Variants in TLCD3B observed in about 807,000 individuals in gnomAD.
TLCD3B encodes ceramide synthase.
A neutral mutation model predicts 23.0 loss-of-function variants in TLCD3B; 9 were observed. The ratio of observed to expected loss-of-function variants is 0.39; its 90% CI spans 0.24 to 0.68. The LOEUF (loss-of-function observed/expected upper bound fraction) is 0.68. Among genes scored for constraint, TLCD3B ranks in the 30% least tolerant of loss-of-function variants. The pLI, the probability that TLCD3B is intolerant of heterozygous loss-of-function variation, is 0.44. For synonymous variants in TLCD3B, 161 were observed against 161.0 expected (o/e 1.00, Z 0.00); for missense variants, 307 against 371.8 (o/e 0.83, Z 1.43).
chr16:30,025,492 C>T lies in TLCD3B; in HGVS notation c.541-25G>A. 1.2e-6 allele frequency: 2 copies of T among 1,609,594 alleles called. No individual in the cohort carries two copies. The highest frequency in any genetic ancestry group is 1.7e-6 in the Non-Finnish European group (2 of 1,178,432). ...ACTGAGGAGACACAGACACAGTGGCCACGGCAGCAGAAGGGCTCGGCCCCC... is the reference window on the plus strand; with the variant it reads ...ACTGAGGAGACACAGACACAGTGGCTACGGCAGCAGAAGGGCTCGGCCCCC... On this transcript the variant is annotated intron_variant, in intron 4 of 4. Coordinates refer to ENST00000380495, the MANE Select transcript of TLCD3B (RefSeq NM_031478.6). The surrounding 1 kb of genome is among the most constrained non-coding windows in gnomAD (Gnocchi z 4.1).
Position 30,025,544 on chromosome 16 carries a change from A to T in TLCD3B, c.541-77T>A. 6.3e-7 allele frequency: 1 copy of T among 1,581,642 alleles called. No homozygotes were observed. The highest frequency in any genetic ancestry group is 2.3e-5 in the East Asian group (1 of 44,310). On this transcript the variant is annotated intron_variant, in intron 4 of 4. Coordinates refer to ENST00000380495, the MANE Select transcript of TLCD3B (RefSeq NM_031478.6). This position sits in a 1 kb window ranked among gnomAD's most constrained non-coding sequence, Gnocchi z 4.1. ...TTGGCCCTCTCCCTGCCTCCCTGCG[A>T]CCCTAGCAGGCAGCTCCTCCCAAAC...
intron 2 of TLCD3B, among the ~76,000 whole-genome samples, chr16:30,043,285 G>A (rs951271905): frequency 6.6e-6 from 1 of 151,882 alleles, no homozygotes; most frequent in Non-Finnish European, 1.5e-5. Context: ...AAGTACACTG[G>A]TACGATTAGC....
chr16:30,039,243 C>T (rs1011348409), intron 3 of TLCD3B, among the ~76,000 whole-genome samples: 2 of 151,512 alleles, frequency 1.3e-5, no homozygotes, highest in Admixed American at 6.6e-5. Context: ...CCTGCCTTAG[C>T]CTCCCGAGTA....
chr16:30,036,278 A>G (rs1453747148), intron 3 of TLCD3B: 1 of 1,288,898 alleles, frequency 7.8e-7, no homozygotes, highest in Non-Finnish European at 1.0e-6. Flanking sequence ...ATTTGTTGAA[A>G]AAACAAAATA....
upstream of TLCD3B, chr16:30,033,050 C>A (rs2071399436): frequency 6.6e-6 from 1 of 152,248 alleles, no homozygotes; most frequent in Admixed American, 6.5e-5. Context: ...GAGATCGAGA[C>A]CATCCTGGCT....
At chr16:30,050,113 G>A (rs1382182677) in intron 1 of TLCD3B, among the ~76,000 whole-genome samples, 2 of 152,174 alleles carry the variant, frequency 1.3e-5, no homozygotes, top group African/African-American at 4.8e-5. Flanking sequence ...GGCCACGGAC[G>A]TGTCCAGGGG....
At chr16:30,037,158 G>A (rs1190789257) in intron 3 of TLCD3B, among the ~76,000 whole-genome samples, 1 of 151,618 alleles carries the variant, frequency 6.6e-6, no homozygotes, top group African/African-American at 2.4e-5. Flanking sequence ...TGGAATCCCC[G>A]CACCTCAGAG....
In TLCD3B at chr16:30,030,788, G is replaced by A. The variant is rs993631197; in HGVS notation, c.-261C>T. ...GAGCAGGAGCAGGCCAGCGAGGGAT[G>A]GGGAGAGGCAAAGAGGGGATGGCTT... On this transcript the variant is annotated 5_prime_UTR_variant, in exon 1 of 5. Transcript: ENST00000380495. 10 of 1,243,006 alleles carry A rather than the reference G, an allele frequency of 8.0e-6. No individual in the cohort carries two copies. Among genetic ancestry groups the A allele is most frequent in the African/African-American group, 4.7e-5 (3 of 63,266 alleles). The allele number at this position is 1,243,006 out of a possible 1,614,324, so 77.0% of individuals were successfully genotyped here.
At chr16:30,030,273 G>C in intron 1 of TLCD3B, 130 bp downstream of exon 1, 2 of 1,164,908 alleles carry the variant, frequency 1.7e-6, no homozygotes, top group Non-Finnish European at 1.2e-6. Context: ...AAGCCTGGGG[G>C]TAAAGCCCCG....
At position 30,030,558 on chromosome 16, in the gene TLCD3B, C is replaced by A; in HGVS notation, c.-31G>T. The A allele has an allele frequency of 2.6e-6, 4 of 1,536,136 alleles. No individual in the cohort carries two copies. Among genetic ancestry groups the A allele is most frequent in the Non-Finnish European group, 2.6e-6 (3 of 1,145,912 alleles). ...CTCAGGACTTGGGCAGGGAGGCAGG[C>A]GGGCCGTGAAGGGGCAGGGAGGCCG... On this transcript the variant is annotated 5_prime_UTR_variant, in exon 1 of 5. Coordinates refer to ENST00000380495, the MANE Select transcript of TLCD3B (RefSeq NM_031478.6).
chr16:30,027,751 C>T, intron 2 of TLCD3B: 2 of 440,562 alleles, frequency 4.5e-6, no homozygotes, highest in South Asian at 3.2e-5. Context: ...GGCAGTTTCT[C>T]TTAAATCCTG....
intron 3 of TLCD3B, among the ~76,000 whole-genome samples, chr16:30,039,103 C>CTTTTTT (rs1018184417): frequency 0.017 from 1,742 of 99,598 alleles, 397 homozygotes; most frequent in African/African-American, 0.026. Flanking sequence ...TCCTTCCTCT[C>CTTTTTT]TTTTTTTTTT....
intron 3 of TLCD3B, among the ~76,000 whole-genome samples, chr16:30,037,929 T>A (rs1196702910): frequency 6.6e-6 from 1 of 152,156 alleles, no homozygotes; most frequent in Non-Finnish European, 1.5e-5. Flanking sequence ...TCTGTTTACA[T>A]CAAATTCAGA....
At chr16:30,037,973 G>C (rs979753134) in intron 3 of TLCD3B, among the ~76,000 whole-genome samples, 3 of 152,122 alleles carry the variant, frequency 2.0e-5, no homozygotes. Flanking sequence ...AATCTGAACA[G>C]CGTTTAACTT....
chr16:30,030,840 C>CAGGAGG lies in TLCD3B; in HGVS notation c.-319_-314dup. ...GTGAGGGACAGAGAGGAAGAGGGGACAGGAGGAGGAGGATGCGGATGGGGG... is the reference window on the plus strand; with the variant it reads ...GTGAGGGACAGAGAGGAAGAGGGGACAGGAGGAGGAGGAGGAGGATGCGGATGGGGG... On this transcript the variant is annotated 5_prime_UTR_variant, in exon 1 of 5. Transcript: ENST00000380495. The CAGGAGG allele has an allele frequency of 9.8e-7, 1 of 1,023,692 alleles. No individual in the cohort carries two copies. The highest frequency in any genetic ancestry group is 1.2e-6 in the Non-Finnish European group (1 of 859,458). The allele number at this position is 1,023,692 out of a possible 1,614,324, so 63.4% of individuals were successfully genotyped here.
intron 2 of TLCD3B, among the ~76,000 whole-genome samples, chr16:30,046,040 G>A (rs1165969517): frequency 6.6e-6 from 1 of 152,086 alleles, no homozygotes; most frequent in Non-Finnish European, 1.5e-5. Flanking sequence ...AGCTAGGGAG[G>A]TGGAGGCCAC....
upstream of TLCD3B, chr16:30,035,239 A>G: frequency 8.5e-7 from 1 of 1,174,592 alleles, no homozygotes; most frequent in Non-Finnish European, 1.1e-6. Context: ...TCCACATTCC[A>G]GCTCCACTCC....
chr16:30,025,450 T>C lies in TLCD3B; in HGVS notation c.558A>G (p.Thr186=), dbSNP rs758513839. The C allele has an allele frequency of 6.2e-7, 1 of 1,612,406 alleles. No individual in the cohort carries two copies. Among genetic ancestry groups the C allele is most frequent in the Admixed American group, 1.7e-5 (1 of 59,856 alleles). The change falls in exon 5 of 5, where the codon ACA becomes ACG. Residue 186 remains threonine, a synonymous_variant. Transcript: ENST00000380495. The surrounding 1 kb of genome is among the most constrained non-coding windows in gnomAD (Gnocchi z 4.1). ...GGGCCCCGTTCACCTTGTGCAGCAGTGTGTGCTGCTGCTTGTACTGAGGAG... is the reference window on the plus strand; with the variant it reads ...GGGCCCCGTTCACCTTGTGCAGCAGCGTGTGCTGCTGCTTGTACTGAGGAG... ...KILIQYKQQH[T]LLHKVNGALM... is the part of the protein sequence containing the mutation.
rs573035515 is a variant in TLCD3B at position 30,030,489 on chromosome 16, G to T, written c.39C>A (p.Pro13=). 3.7e-6 allele frequency: 6 copies of T among 1,603,292 alleles called. No homozygotes were observed. The South Asian group carries it at 5.6e-5, about 15-fold the overall frequency. The change falls in exon 1 of 5, where the codon CCC becomes CCA. Residue 13 remains proline (P), a synonymous_variant. Coordinates refer to ENST00000380495, the MANE Select transcript of TLCD3B (RefSeq NM_031478.6). ...TPMVAGGVVF[P]GLFLLSKNTL... is the part of the protein sequence containing the mutation. ...TGTTCTTGGAGAGGAGGAAGAGTCC[G>T]GGGAACACCACCCCCCCGGCCACCA...
Sources: gnomAD v4.1 joint callset for allele counts (sites outside exome capture counted in the v4.1 genomes callset) on GRCh38, gnomAD v4.1.1 for gene constraint, Gnocchi (gnomAD v3.1) non-coding constraint, MANE v1.5 for transcripts, NCBI Gene and HGNC (gene_info 2026-07-23, HGNC 2026-07-21) for gene names.